FRAS1: variants seen among roughly 807,000 people sequenced by gnomAD.
FRAS1 encodes the protein extracellular matrix organizing protein FRAS1.
In FRAS1, 290 loss-of-function variants were observed where a neutral mutation model predicts 435.2. The observed-to-expected ratio is 0.67, with a 90% CI of 0.61 to 0.73. FRAS1 has a LOEUF of 0.73. Ranked by LOEUF, FRAS1 falls within the 30% of genes least tolerant of loss-of-function variation. The probability of loss-of-function intolerance (pLI) is 0.00; values close to 1 mark genes in which losing one functional copy is unlikely to be tolerated. For missense variants in FRAS1, 4,860 were observed against 5,001.5 expected (o/e 0.97, Z 0.85); for synonymous variants, 1,800 against 1,851.0 (o/e 0.97, Z 0.71).
At chr4:78,451,982 C>G in intron 46 of FRAS1, 91 bp downstream of exon 46, 1 of 1,377,580 alleles carries the variant, frequency 7.3e-7, no homozygotes, top group Non-Finnish European at 9.9e-7. Flanking sequence ...GGCTCGAGTC[C>G]TTCCCTTTAC....
At chr4:78,301,276 G>C (rs1424511369) in intron 14 of FRAS1, among the ~76,000 whole-genome samples, 4 of 152,058 alleles carry the variant, frequency 2.6e-5, no homozygotes, top group Admixed American at 1.3e-4. Context: ...CAAAAGCATA[G>C]GTAGGGGTTA....
chr4:78,105,771 C>G (rs527888288), intron 2 of FRAS1, among the ~76,000 whole-genome samples: 1 of 151,882 alleles, frequency 6.6e-6, no homozygotes, highest in African/African-American at 2.4e-5. Context: ...GGAACAGCTC[C>G]GGTCTACAGC....
chr4:78,315,827 GT>G, intron 16 of FRAS1, 93 bp downstream of exon 16: 4 of 1,329,990 alleles, frequency 3.0e-6, no homozygotes, highest in Non-Finnish European at 4.3e-6. Context: ...GGGAACTCGA[GT>G]GTATGATGGG....
intron 67 of FRAS1, among the ~76,000 whole-genome samples, 167 bp from the exon 68 acceptor site, chr4:78,521,356 T>C (rs1278141977): frequency 6.6e-6 from 1 of 152,118 alleles, no homozygotes; most frequent in Non-Finnish European, 1.5e-5. Flanking sequence ...TTAGCTGTCA[T>C]ACAATTTTAA....
intron 30 of FRAS1, among the ~76,000 whole-genome samples, chr4:78,404,706 C>T (rs1733035315): frequency 6.6e-6 from 1 of 152,202 alleles, no homozygotes; most frequent in Non-Finnish European, 1.5e-5. Flanking sequence ...ACTCTTGCAT[C>T]TGTGTTTCTT....
In FRAS1 at chr4:78,445,580, C is replaced by A; in HGVS notation, c.5724C>A (p.Asp1908Glu). ...TAGAGGCATCATTTCCTATTCAAGA[C>A]GTCCTGGAAAACTACATTTACTACT... ...SDLEASFPIQ[D>E]VLENYIYYFQ... The change falls in exon 42 of 74, where the codon GAC becomes GAA. Residue 1908 changes from aspartate to glutamate, a missense_variant. Asp to Glu is a conservative substitution (Grantham distance 45, BLOSUM62 2). Coordinates refer to ENST00000512123, the MANE Select transcript of FRAS1 (RefSeq NM_025074.7). 1 of 1,612,660 alleles carries A rather than the reference C, an allele frequency of 6.2e-7. No homozygotes were observed. Among genetic ancestry groups the A allele is most frequent in the Non-Finnish European group, 8.5e-7 (1 of 1,179,120 alleles).
chr4:78,412,907 A>G lies in FRAS1; in HGVS notation c.4309-62A>G, dbSNP rs565200344. Reference sequence around the variant, plus strand: ...GCTGGCTTAAAAGAGGGAAAAACCCACGTACTAACATGCTCTGCTCAATAG... The same window carrying G: ...GCTGGCTTAAAAGAGGGAAAAACCCGCGTACTAACATGCTCTGCTCAATAG... On this transcript the variant is annotated intron_variant, in intron 31 of 73. Transcript: ENST00000512123. The G allele has an allele frequency of 8.4e-6, 8 of 953,380 alleles. No individual in the cohort carries two copies. The Admixed American group carries it at 2.3e-4, about 28-fold the overall frequency. The allele number at this position is 953,380 out of a possible 1,614,324, so 59.1% of individuals were successfully genotyped here.
chr4:78,171,623 C>T (rs987959591), intron 2 of FRAS1, among the ~76,000 whole-genome samples: 3 of 152,130 alleles, frequency 2.0e-5, no homozygotes, highest in African/African-American at 7.2e-5. Flanking sequence ...TCTTACCACT[C>T]TTTCCATGGC....
At chr4:78,473,001 C>T (rs950615240) in intron 52 of FRAS1, among the ~76,000 whole-genome samples, 2 of 152,172 alleles carry the variant, frequency 1.3e-5, no homozygotes, top group African/African-American at 4.8e-5. Context: ...TTTAACCCAA[C>T]CCCAGCTATT....
intron 2 of FRAS1, among the ~76,000 whole-genome samples, chr4:78,128,557 G>A (rs551706151): frequency 2.0e-5 from 3 of 152,298 alleles, no homozygotes; most frequent in East Asian, 3.9e-4. Context: ...TCTTCTTTTT[G>A]AGAAGTGTCT....
Position 78,400,876 on chromosome 4 carries a change from A to AC in FRAS1, c.4123dup (p.Gln1375ProfsTer19). 6.2e-7 allele frequency: 1 copy of AC among 1,613,238 alleles called. No individual in the cohort carries two copies. Among genetic ancestry groups the AC allele is most frequent in the Non-Finnish European group, 8.5e-7 (1 of 1,179,624 alleles). ...ATCATCTACAAGATTACACAAGACTACCCCCAGTTTGGTAACTATTTTTTC... is the reference window on the plus strand; with the variant it reads ...ATCATCTACAAGATTACACAAGACTACCCCCCAGTTTGGTAACTATTTTTTC... On this transcript the variant is annotated frameshift_variant, in exon 30 of 74. Coordinates refer to ENST00000512123, the MANE Select transcript of FRAS1 (RefSeq NM_025074.7). LOFTEE classifies it high-confidence loss of function.
chr4:78,467,888 A>G (rs996340282), intron 50 of FRAS1, among the ~76,000 whole-genome samples: 12 of 152,176 alleles, frequency 7.9e-5, no homozygotes, highest in African/African-American at 2.9e-4. Flanking sequence ...ACAAATGTCT[A>G]TTCAAATCTT....
chr4:78,265,095 G>A lies in FRAS1; in HGVS notation c.674G>A (p.Gly225Asp), dbSNP rs372890658. The change falls in exon 7 of 74, where the codon GGC (glycine) becomes GAC (aspartate). Residue 225 changes from glycine to aspartate, a missense_variant. By Grantham distance (94) the Gly-to-Asp change is moderately conservative. Coordinates refer to ENST00000512123, the MANE Select transcript of FRAS1 (RefSeq NM_025074.7). ...TCTGCAAGATCCTGCTCTGCAGCTG[G>A]CCAAGTATACGAGGTAAGCTTTCAT... ...QCSARSCSAA[G>D]QVYEHGEQWS... 1.2e-5 allele frequency: 19 copies of A among 1,611,756 alleles called. No individual in the cohort carries two copies. The highest frequency in any genetic ancestry group is 9.3e-5 in the African/African-American group (7 of 74,874).
chr4:78,371,100 T>TTTTG (rs1731490117), intron 23 of FRAS1, among the ~76,000 whole-genome samples: 1 of 151,038 alleles, frequency 6.6e-6, no homozygotes, highest in African/African-American at 2.4e-5. Flanking sequence ...TGTTTTTTTT[T>TTTTG]TTTTTTGCCT....
At chr4:78,508,468 A>G (rs879669725) in intron 62 of FRAS1, among the ~76,000 whole-genome samples, 13 of 152,222 alleles carry the variant, frequency 8.5e-5, no homozygotes, top group Non-Finnish European at 7.3e-5. Flanking sequence ...ATTTTTTTAC[A>G]TGAGTGATAG....
At chr4:78,476,464 CACTT>C (rs1344190192) in intron 54 of FRAS1, among the ~76,000 whole-genome samples, 2 of 152,072 alleles carry the variant, frequency 1.3e-5, no homozygotes, top group Admixed American at 6.5e-5. Flanking sequence ...CAATGTCTGA[CACTT>C]AATTTTTTTT....
At chr4:78,171,433 T>C (rs1388074341) in intron 2 of FRAS1, among the ~76,000 whole-genome samples, 2 of 152,154 alleles carry the variant, frequency 1.3e-5, no homozygotes, top group Admixed American at 6.5e-5. Flanking sequence ...GTTTTAATGA[T>C]TTTCTTTTAC....
chr4:78,110,480 G>C (rs2109935998), intron 2 of FRAS1, among the ~76,000 whole-genome samples: 1 of 75,136 alleles, frequency 1.3e-5, no homozygotes, highest in East Asian at 3.1e-4. Context: ...TGACAAACCT[G>C]AGAAAAACAA....
intron 2 of FRAS1, among the ~76,000 whole-genome samples, chr4:78,219,636 A>G (rs138938702): frequency 0.01 from 1,533 of 152,350 alleles, 8 homozygotes; most frequent in Non-Finnish European, 0.014. Context: ...TACCTGTTTC[A>G]TCCTTGAGAA....
Sources: allele counts gnomAD v4.1 joint callset (sites outside exome capture counted in the v4.1 genomes callset), GRCh38; gene constraint gnomAD v4.1.1; transcripts MANE v1.5; gene names NCBI Gene and HGNC (gene_info 2026-07-23, HGNC 2026-07-21).